Variants in ZMYND8 observed in about 807,000 individuals in gnomAD.
The protein encoded by ZMYND8 is MYND-type zinc finger-containing chromatin reader ZMYND8.
ZMYND8 carries 37 observed loss-of-function variants against 140.8 expected under a neutral mutation model. The observed-to-expected ratio is 0.26, with a 90% confidence interval of 0.20 to 0.35. The LOEUF is 0.35. Ranked by LOEUF, ZMYND8 falls within the 10% of genes least tolerant of loss-of-function variation. The pLI, the probability that ZMYND8 is intolerant of heterozygous loss-of-function variation, is 1.00. For missense variants in ZMYND8, 1,068 were observed against 1,570.0 expected, an observed-to-expected ratio of 0.68 and a Z score of 5.40; for synonymous variants, 592 against 597.1, an observed-to-expected ratio of 0.99 and a Z score of 0.12.
At chr20:47,323,354 C>T (rs562283541) in intron 2 of ZMYND8, among the ~76,000 whole-genome samples, 18 of 152,194 alleles carry the variant, frequency 1.2e-4, no homozygotes, top group African/African-American at 4.1e-4. Flanking sequence ...GCGATCCTCC[C>T]ACCTCAGGCT....
At chr20:47,214,434 T>G (rs1180317585) in intron 21 of ZMYND8, among the ~76,000 whole-genome samples, 1 of 152,204 alleles carries the variant, frequency 6.6e-6, no homozygotes, top group East Asian at 1.9e-4. Flanking sequence ...ATGGGCTCCA[T>G]GGCGCTCTCA....
At chr20:47,252,392 G>A (rs1041759051) in intron 12 of ZMYND8, among the ~76,000 whole-genome samples, 1 of 151,802 alleles carries the variant, frequency 6.6e-6, no homozygotes, top group Non-Finnish European at 1.5e-5. Flanking sequence ...CAGCAAAGGG[G>A]GAGGGATTTG....
intron 5 of ZMYND8, among the ~76,000 whole-genome samples, chr20:47,293,600 A>G (rs935137931): frequency 6.6e-6 from 1 of 152,254 alleles, no homozygotes; most frequent in African/African-American, 2.4e-5. Context: ...GATCTGGGAC[A>G]TAAATAAACT....
At chr20:47,311,063 G>A (rs565091368) in intron 2 of ZMYND8, among the ~76,000 whole-genome samples, 3 of 152,146 alleles carry the variant, frequency 2.0e-5, no homozygotes, top group African/African-American at 7.2e-5. Flanking sequence ...ATACTTCAAG[G>A]AAATGAAGGC....
At chr20:47,306,645 A>T (rs1031495808) in intron 3 of ZMYND8, among the ~76,000 whole-genome samples, 1 of 147,888 alleles carries the variant, frequency 6.8e-6, no homozygotes, top group Non-Finnish European at 1.5e-5. Flanking sequence ...ATCTCAGCTC[A>T]CTGCAACCGC....
chr20:47,219,958 A>G (rs2036700449), intron 21 of ZMYND8, among the ~76,000 whole-genome samples: 1 of 152,088 alleles, frequency 6.6e-6, no homozygotes, highest in Admixed American at 6.5e-5. Context: ...AAACTTCCCA[A>G]TCCAAATGCA....
At chr20:47,334,609 T>G in intron 2 of ZMYND8, among the ~76,000 whole-genome samples, 1 of 143,526 alleles carries the variant, frequency 7.0e-6, no homozygotes, top group African/African-American at 2.8e-5. Flanking sequence ...AAAAAAAATA[T>G]ATATATATAT....
At chr20:47,339,472 T>C (rs927540738) in intron 2 of ZMYND8, among the ~76,000 whole-genome samples, 7 of 152,140 alleles carry the variant, frequency 4.6e-5, no homozygotes, top group Non-Finnish European at 7.3e-5. Flanking sequence ...GCAGCCACCC[T>C]GTCCCAAGAA....
chr20:47,266,517 G>C (rs2075540235), intron 11 of ZMYND8, among the ~76,000 whole-genome samples: 1 of 152,042 alleles, frequency 6.6e-6, no homozygotes, highest in Non-Finnish European at 1.5e-5. Context: ...GCAGACCTCA[G>C]GTGATCTACC....
intron 2 of ZMYND8, among the ~76,000 whole-genome samples, chr20:47,314,079 G>A (rs963596981): frequency 6.6e-5 from 10 of 150,722 alleles, no homozygotes; most frequent in Non-Finnish European, 1.2e-4. Context: ...CTCGACTTGG[G>A]GACTACTGGT....
intron 11 of ZMYND8, among the ~76,000 whole-genome samples, chr20:47,263,655 C>G (rs1269961822): frequency 3.9e-5 from 6 of 152,206 alleles, no homozygotes; most frequent in Admixed American, 3.9e-4. Flanking sequence ...GATTCAAGCC[C>G]CGGCTCAGCT....
Position 47,310,084 on chromosome 20 carries a change from C to T in ZMYND8, c.206G>A (p.Gly69Asp), listed in dbSNP as rs1569163993. Residue 69 changes from glycine to aspartate, a missense_variant, in exon 3 of 23, where the codon GGC (glycine) becomes GAC (aspartate). Gly to Asp is a moderately conservative substitution (Grantham distance 94). This residue lies in a region of ZMYND8 where 77 missense variants were observed against 85.1 expected (regional missense o/e 0.91). Transcript: ENST00000471951. ...TSPIKKKKKP[G>D]LLNSNNKEQS... ...CTCCTTATTGTTACTGTTCAGTAAG[C>T]CAGGTTTCTTTTTCTTTTTAATGGG... 9 of 1,614,176 alleles carry T rather than the reference C, an allele frequency of 5.6e-6. No homozygotes were observed. The highest frequency in any genetic ancestry group is 6.8e-6 in the Non-Finnish European group (8 of 1,180,026).
intron 7 of ZMYND8, among the ~76,000 whole-genome samples, chr20:47,288,850 C>T (rs1043645071): frequency 6.6e-6 from 1 of 152,134 alleles, no homozygotes; most frequent in African/African-American, 2.4e-5. Flanking sequence ...GCCTGTAATC[C>T]CAACACTTTG....
intron 18 of ZMYND8, among the ~76,000 whole-genome samples, chr20:47,225,817 A>C (rs990462622): frequency 3.9e-5 from 6 of 151,938 alleles, no homozygotes; most frequent in East Asian, 1.9e-4. Flanking sequence ...TAAAAAGAAA[A>C]GGATTTTATG....
At chr20:47,341,048 G>A (rs943542398) in intron 2 of ZMYND8, among the ~76,000 whole-genome samples, 1 of 152,222 alleles carries the variant, frequency 6.6e-6, no homozygotes, top group African/African-American at 2.4e-5. Context: ...ACGGTGGACA[G>A]TAGAAGCCAG....
In ZMYND8 at chr20:47,298,454, A is replaced by C; in HGVS notation, c.453+275T>G. On this transcript the variant is annotated intron_variant, in intron 4 of 22. Coordinates refer to ENST00000471951, the MANE Select transcript of ZMYND8 (RefSeq NM_001281775.3). The surrounding 1 kb of genome is among the most constrained non-coding windows in gnomAD (Gnocchi z 5.0). ...AGTTAACTTTCAAAAAGTTCATCAT[A>C]GAAGATGCAGAGATGACGACTACAG... 2.0e-6 allele frequency: 2 copies of C among 985,444 alleles called. No homozygotes were observed. Among genetic ancestry groups the C allele is most frequent in the Non-Finnish European group, 2.4e-6 (2 of 829,934 alleles). The allele number at this position is 985,444 out of a possible 1,614,324, so 61.0% of individuals were successfully genotyped here. A position where few individuals can be genotyped will look rare whatever the true frequency, so the allele number is the denominator to read the frequency against.
intron 10 of ZMYND8, among the ~76,000 whole-genome samples, chr20:47,278,502 T>C (rs2076393499): frequency 6.6e-6 from 1 of 152,154 alleles, no homozygotes; most frequent in South Asian, 2.1e-4. Context: ...ATAGACTTCT[T>C]ATGTTACATT....
chr20:47,282,650 A>C lies in ZMYND8; in HGVS notation c.883-433T>G, dbSNP rs950879176. ...TGAGGCAGGAGAATCACTTGAACGCAGGAGGTGGAGGTTGCAGTGAGTCAA... is the reference window on the plus strand; with the variant it reads ...TGAGGCAGGAGAATCACTTGAACGCCGGAGGTGGAGGTTGCAGTGAGTCAA... On this transcript the variant is annotated intron_variant, in intron 9 of 22. Transcript: ENST00000471951. 3.3e-5 allele frequency among the ~76,000 whole-genome samples: 5 copies of C among 151,540 alleles called. No individual in the cohort carries two copies. The East Asian group carries it at 9.7e-4, about 29-fold the overall frequency.
chr20:47,314,209 AG>A (rs754787584), intron 2 of ZMYND8, among the ~76,000 whole-genome samples: 94 of 152,054 alleles, frequency 6.2e-4, no homozygotes, highest in Non-Finnish European at 2.8e-4. Flanking sequence ...ACGAAAATAA[AG>A]AAAATTGGCC....
Sources: allele counts gnomAD v4.1 joint callset (sites outside exome capture counted in the v4.1 genomes callset), GRCh38; gene constraint gnomAD v4.1.1; regional missense constraint gnomAD v4.1.1; non-coding constraint Gnocchi (gnomAD v3.1); transcripts MANE v1.5; gene names NCBI Gene and HGNC (gene_info 2026-07-23, HGNC 2026-07-21).